The following GLIS3 variants were observed in gnomAD, a reference collection of about 807,000 sequenced individuals.
The protein encoded by GLIS3 is zinc finger protein GLIS3.
A neutral mutation model predicts 78.6 loss-of-function variants in GLIS3; 53 were observed. That is an observed-to-expected ratio of 0.67 (90% confidence interval 0.54 to 0.85). The LOEUF (loss-of-function observed/expected upper bound fraction) is 0.85, where lower values mean the gene tolerates loss of function less well. Among genes scored for constraint, GLIS3 ranks in the 40% least tolerant of loss-of-function variants. The pLI, the probability that GLIS3 is intolerant of heterozygous loss-of-function variation, is 0.00. For synonymous variants in GLIS3, 684 were observed against 509.9 expected (o/e 1.34, Z -4.60); for missense variants, 1,703 against 1,231.1 (o/e 1.38, Z -5.74).
At chr9:4,086,317 A>T (rs1829017524) in intron 4 of GLIS3, among the ~76,000 whole-genome samples, 1 of 152,144 alleles carries the variant, frequency 6.6e-6, no homozygotes, top group Non-Finnish European at 1.5e-5. Context: ...TGGGGCAATG[A>T]GTCATTCATT....
chr9:4,395,777 C>CTTT, the GLIS3 span, among the ~76,000 whole-genome samples: 2 of 127,724 alleles, frequency 1.6e-5, no homozygotes, highest in Admixed American at 1.5e-4. Flanking sequence ...TTCTTTTTTT[C>CTTT]TTTTTTTTTT....
the GLIS3 span, among the ~76,000 whole-genome samples, chr9:4,465,035 A>G: frequency 6.6e-6 from 1 of 152,254 alleles, no homozygotes; most frequent in Non-Finnish European, 1.5e-5. Flanking sequence ...AACTTCAGTG[A>G]CACATTTCTT....
intron 2 of GLIS3, among the ~76,000 whole-genome samples, chr9:4,134,230 G>C (rs1028755266): frequency 6.6e-6 from 1 of 152,068 alleles, no homozygotes; most frequent in African/African-American, 2.4e-5. Flanking sequence ...TAGATCACTT[G>C]CAATTGAAGT....
At chr9:3,993,179 T>C (rs560181599) in intron 4 of GLIS3, among the ~76,000 whole-genome samples, 1 of 152,304 alleles carries the variant, frequency 6.6e-6, no homozygotes, top group African/African-American at 2.4e-5. Flanking sequence ...CCTGAAAATA[T>C]TCCAGATTAA....
intron 2 of GLIS3, among the ~76,000 whole-genome samples, chr9:4,278,166 A>G (rs1587277203): frequency 6.6e-6 from 1 of 152,338 alleles, no homozygotes; most frequent in East Asian, 1.9e-4. Context: ...TAGTGTGACG[A>G]AGAACTCAGT....
At chr9:4,448,960 G>C in the GLIS3 span, among the ~76,000 whole-genome samples, 42 of 152,150 alleles carry the variant, frequency 2.8e-4, no homozygotes, top group Non-Finnish European at 4.0e-4. Flanking sequence ...CATCTCACTG[G>C]GACTGTTTGG....
At chr9:4,484,102 C>T in the GLIS3 span, among the ~76,000 whole-genome samples, 1 of 152,170 alleles carries the variant, frequency 6.6e-6, no homozygotes, top group African/African-American at 2.4e-5. Flanking sequence ...AGTTTAAAAT[C>T]CACTTGGCCC....
intron 4 of GLIS3, among the ~76,000 whole-genome samples, chr9:4,055,306 T>G (rs958547070): frequency 1.6e-4 from 24 of 152,198 alleles, no homozygotes; most frequent in African/African-American, 5.8e-4. Context: ...GGCCTCAGAT[T>G]ACTCTAAATT....
intron 2 of GLIS3, among the ~76,000 whole-genome samples, chr9:4,184,626 G>C (rs1237388104): frequency 6.6e-6 from 1 of 152,194 alleles, no homozygotes; most frequent in Non-Finnish European, 1.5e-5. Flanking sequence ...ACCCAACCCA[G>C]GTTGGTACTT....
chr9:4,258,224 A>G (rs1306725967), intron 2 of GLIS3, among the ~76,000 whole-genome samples: 2 of 152,216 alleles, frequency 1.3e-5, no homozygotes. Context: ...GAGGTACTAG[A>G]GACAATATCA....
chr9:4,453,646 C>T, the GLIS3 span, among the ~76,000 whole-genome samples: 1 of 152,160 alleles, frequency 6.6e-6, no homozygotes, highest in Non-Finnish European at 1.5e-5. Context: ...GGCACATATA[C>T]ATCATGGAAT....
intron 2 of GLIS3, among the ~76,000 whole-genome samples, chr9:4,203,156 T>C (rs1391358219): frequency 6.6e-5 from 10 of 152,108 alleles, no homozygotes; most frequent in Admixed American, 5.9e-4. Flanking sequence ...TACCAAAAAA[T>C]GGGCACAAAA....
chr9:4,454,150 TAA>T, the GLIS3 span, among the ~76,000 whole-genome samples: 41,554 of 128,800 alleles, frequency 0.32, 6,776 homozygotes, highest in Middle Eastern at 0.47. Context: ...TATATGATGA[TAA>T]AAAAAAAAAA....
intron 2 of GLIS3, among the ~76,000 whole-genome samples, chr9:4,155,749 T>C (rs1273546992): frequency 1.3e-5 from 2 of 152,140 alleles, no homozygotes; most frequent in African/African-American, 4.8e-5. Flanking sequence ...CGGACGGCTG[T>C]ACAAGCATAG....
intron 9 of GLIS3, among the ~76,000 whole-genome samples, chr9:3,854,667 G>C (rs1352381003): frequency 6.6e-6 from 1 of 151,358 alleles, no homozygotes; most frequent in Non-Finnish European, 1.5e-5. Context: ...CTCCCAAGTA[G>C]CTGGGACTAC....
chr9:4,466,090 A>G, the GLIS3 span, among the ~76,000 whole-genome samples: 3 of 152,250 alleles, frequency 2.0e-5, no homozygotes, highest in African/African-American at 4.8e-5. Flanking sequence ...TGAAGAGAAG[A>G]CACAAATTAC....
At chr9:4,178,611 A>G (rs1247010875) in intron 2 of GLIS3, among the ~76,000 whole-genome samples, 1 of 152,182 alleles carries the variant, frequency 6.6e-6, no homozygotes, top group African/African-American at 2.4e-5. Context: ...GCAAGTGCAA[A>G]TATAACCCCT....
At chr9:4,245,062 G>A (rs1393982716) in intron 2 of GLIS3, among the ~76,000 whole-genome samples, 1 of 152,124 alleles carries the variant, frequency 6.6e-6, no homozygotes, top group African/African-American at 2.4e-5. Context: ...CAAAAGACTG[G>A]TAAATAAATA....
At chr9:4,244,085 C>T (rs1823578211) in intron 2 of GLIS3, among the ~76,000 whole-genome samples, 1 of 152,208 alleles carries the variant, frequency 6.6e-6, no homozygotes, top group Admixed American at 6.5e-5. Flanking sequence ...ACTCATCTTT[C>T]CAGCCCTAAC....
Sources: gnomAD v4.1 joint callset for allele counts (sites outside exome capture counted in the v4.1 genomes callset) on GRCh38, gnomAD v4.1.1 for gene constraint, MANE v1.5 for transcripts, NCBI Gene and HGNC (gene_info 2026-07-23, HGNC 2026-07-21) for gene names.